DMD: variants seen among roughly 807,000 people sequenced by gnomAD.
DMD encodes the protein dystrophin.
Under a neutral mutation model 330.1 loss-of-function variants are expected in DMD, and 63 were observed. The ratio of observed to expected loss-of-function variants is 0.19; its 90% CI spans 0.16 to 0.24. The LOEUF (loss-of-function observed/expected upper bound fraction) is 0.24, where lower values mean the gene tolerates loss of function less well. Among genes scored for constraint, DMD ranks in the 10% least tolerant of loss-of-function variants. DMD has a pLI of 1.00. For missense variants in DMD, 3,344 were observed against 2,684.1 expected, an observed-to-expected ratio of 1.25 and a Z score of -5.43; for synonymous variants, 1,223 against 959.8, an observed-to-expected ratio of 1.27 and a Z score of -5.07.
intron 60 of DMD, among the ~76,000 whole-genome samples, chrX:31,365,812 T>C (rs1342519260): frequency 8.9e-6 from 1 of 112,699 alleles, no homozygotes; most frequent in African/African-American, 3.2e-5. Flanking sequence ...GTCTTGGTCA[T>C]CTCCTCTGTT....
At chrX:31,228,267 T>TAAAAA (rs1367757647) in intron 63 of DMD, among the ~76,000 whole-genome samples, 1 of 39,618 alleles carries the variant, frequency 2.5e-5, no homozygotes, top group Non-Finnish European at 4.1e-5. Flanking sequence ...AAAAAAAAAA[T>TAAAAA]AAAAAAATAA....
intron 1 of DMD, among the ~76,000 whole-genome samples, chrX:33,268,522 A>G (rs1458649459): frequency 8.9e-6 from 1 of 111,943 alleles, no homozygotes; most frequent in Non-Finnish European, 1.9e-5. Flanking sequence ...AAGACATGCA[A>G]GCGACCAACA....
intron 7 of DMD, among the ~76,000 whole-genome samples, chrX:32,801,721 G>A (rs1251142465): frequency 5.4e-5 from 6 of 111,742 alleles, no homozygotes; most frequent in Admixed American, 9.5e-5. Flanking sequence ...TCAGTCTTCT[G>A]CATATGGCTA....
At chrX:31,658,457 TCA>T (rs1403183547) in intron 53 of DMD, among the ~76,000 whole-genome samples, 1 of 111,901 alleles carries the variant, frequency 8.9e-6, no homozygotes, top group African/African-American at 3.2e-5. Flanking sequence ...AAAAATAAGC[TCA>T]TATATAATTG....
chrX:32,493,090 G>C (rs954558192), intron 19 of DMD, among the ~76,000 whole-genome samples: 10 of 111,783 alleles, frequency 8.9e-5, no homozygotes, highest in Non-Finnish European at 1.7e-4. Context: ...CTGTGGTTTT[G>C]CTAACTTGCA....
chrX:32,308,808 A>C (rs968405293), intron 42 of DMD, among the ~76,000 whole-genome samples: 9 of 110,668 alleles, frequency 8.1e-5, no homozygotes, highest in Non-Finnish European at 1.5e-4. Flanking sequence ...ACTCTCCTGA[A>C]CCAAATGTCC....
chrX:33,127,140 G>C (rs1487746781), intron 1 of DMD, among the ~76,000 whole-genome samples: 2 of 109,028 alleles, frequency 1.8e-5, no homozygotes, highest in East Asian at 5.7e-4. Flanking sequence ...AATTTAATGC[G>C]GTGTACTTTA....
chrX:31,595,673 G>T (rs2077077001), intron 55 of DMD, among the ~76,000 whole-genome samples: 1 of 109,862 alleles, frequency 9.1e-6, no homozygotes, highest in Non-Finnish European at 1.9e-5. Flanking sequence ...AACAAAACTG[G>T]GGTCAGTATA....
chrX:32,745,500 G>A (rs998031592), intron 7 of DMD, among the ~76,000 whole-genome samples: 1 of 112,193 alleles, frequency 8.9e-6, no homozygotes, highest in Non-Finnish European at 1.9e-5. Context: ...CAGACAGGGT[G>A]TCTTCAGTGA....
At chrX:33,284,994 A>C (rs2053408902) in intron 1 of DMD, among the ~76,000 whole-genome samples, 1 of 110,191 alleles carries the variant, frequency 9.1e-6, no homozygotes, top group Admixed American at 9.7e-5. Context: ...TCAAAGCAAC[A>C]TCTGTGGCTC....
chrX:32,902,167 A>ACACG (rs1164103939), intron 2 of DMD, among the ~76,000 whole-genome samples: 1 of 100,502 alleles, frequency 1.0e-5, no homozygotes, highest in Non-Finnish European at 1.9e-5. Context: ...AAACACACAC[A>ACACG]CACACACACA....
chrX:32,363,556 C>T (rs771964569), intron 36 of DMD, among the ~76,000 whole-genome samples: 2 of 111,596 alleles, frequency 1.8e-5, no homozygotes, highest in Non-Finnish European at 3.8e-5. Flanking sequence ...TAACTCAGAC[C>T]CTATTATTCA....
Position 33,009,164 on chromosome X carries a change from A to ATATATATGTGTATATATACGTATATATG in DMD, c.93+10947_93+10974dup, listed in dbSNP as rs1370644606. Among the ~76,000 whole-genome samples, 12 of 6,341 alleles carry ATATATATGTGTATATATACGTATATATG rather than the reference A, an allele frequency of 1.9e-3. 5 individuals carry two copies. The highest frequency in any genetic ancestry group is 0.011 in the South Asian group (1 of 91). The allele number at this position is 6,341 out of a possible 115,157, so 5.5% of individuals were successfully genotyped here. A position where few individuals can be genotyped will look rare whatever the true frequency, so the allele number is the denominator to read the frequency against. ...TATGTGTATATATACGTATATATGTATATATATGTGTATATATACGTATAT... is the reference window on the plus strand; with the variant it reads ...TATGTGTATATATACGTATATATGTATATATATGTGTATATATACGTATATATGTATATATGTGTATATATACGTATAT... On this transcript the variant is annotated intron_variant, in intron 2 of 78. Coordinates refer to ENST00000357033, the MANE Select transcript of DMD (RefSeq NM_004006.3).
At chrX:31,544,333 A>AG (rs1422596728) in intron 55 of DMD, among the ~76,000 whole-genome samples, 2 of 110,032 alleles carry the variant, frequency 1.8e-5, no homozygotes, top group Non-Finnish European at 3.8e-5. Context: ...CAAAAAAAAA[A>AG]AAAAAAAAGG....
chrX:31,208,448 C>A (rs2044306203), intron 65 of DMD, among the ~76,000 whole-genome samples: 1 of 111,610 alleles, frequency 9.0e-6, no homozygotes, highest in Non-Finnish European at 1.9e-5. Flanking sequence ...GAAAACAGTG[C>A]CAAAATATAT....
intron 1 of DMD, among the ~76,000 whole-genome samples, chrX:33,190,879 A>ATAAT (rs1430346058): frequency 1.2e-3 from 1 of 824 alleles, no homozygotes; most frequent in East Asian, 0.12. Context: ...ATATATATAT[A>ATAAT]ATATATAATA....
At chrX:31,478,890 A>T in intron 58 of DMD, 93 bp downstream of exon 58, 1 of 971,106 alleles carries the variant, frequency 1.0e-6, no homozygotes, top group African/African-American at 1.9e-5. Flanking sequence ...AAAATATGAG[A>T]GCTATCCAGA....
chrX:31,431,057 C>A (rs1470659846), intron 60 of DMD, among the ~76,000 whole-genome samples: 1 of 110,050 alleles, frequency 9.1e-6, no homozygotes, highest in African/African-American at 3.3e-5. Context: ...GCCTCGGCCT[C>A]CCAAAGTGGT....
rs1295236087 is a variant in DMD at position 33,051,370 on chromosome X, C to T, written c.32-31170G>A. Among the ~76,000 whole-genome samples the T allele has an allele frequency of 3.7e-5, 4 of 108,399 alleles. No individual in the cohort carries two copies. In the East Asian group the frequency reaches 1.2e-3, roughly 32 times the overall value. The allele number at this position is 108,399 out of a possible 115,157, so 94.1% of individuals were successfully genotyped here. A position where few individuals can be genotyped will look rare whatever the true frequency, so the allele number is the denominator to read the frequency against. On this transcript the variant is annotated intron_variant, in intron 1 of 78. Coordinates refer to ENST00000357033, the MANE Select transcript of DMD (RefSeq NM_004006.3). ...GGGATTAGAGGCACCCACCACCACG[C>T]CTGGCTAATTGTTGTATTTTTAGTA...
Sources: allele counts gnomAD v4.1 joint callset (sites outside exome capture counted in the v4.1 genomes callset), GRCh38; gene constraint gnomAD v4.1.1; transcripts MANE v1.5; gene names NCBI Gene and HGNC (gene_info 2026-07-23, HGNC 2026-07-21).